Variants in ZNF490 observed in about 807,000 individuals in gnomAD.
ZNF490 encodes zinc finger protein 490.
In ZNF490, 11 loss-of-function variants were observed where a neutral mutation model predicts 17.7. The ratio of observed to expected loss-of-function variants is 0.62; its 90% CI spans 0.39 to 1.03. The LOEUF (loss-of-function observed/expected upper bound fraction) is 1.03. ZNF490 is among the 50% of genes least tolerant of loss of function. ZNF490 has a pLI of 0.00. For missense variants in ZNF490, 542 were observed against 643.4 expected (o/e 0.84, Z 1.71); for synonymous variants, 222 against 216.1 (o/e 1.03, Z -0.24).
At chr19:12,609,922 T>C (rs2023123863) in intron 1 of ZNF490, 1 of 455,438 alleles carries the variant, frequency 2.2e-6, no homozygotes, top group Admixed American at 2.4e-5. Context: ...AAAGCCAGAC[T>C]TCGCCACTAT....
At chr19:12,595,376 G>A (rs1258154538) in intron 2 of ZNF490, among the ~76,000 whole-genome samples, 2 of 152,076 alleles carry the variant, frequency 1.3e-5, no homozygotes, top group Non-Finnish European at 2.9e-5. Flanking sequence ...GCCTCCCAAA[G>A]TGTTTGGATA....
In ZNF490 at chr19:12,578,282, C is replaced by A. The variant is rs2022672717; in HGVS notation, c.*2203G>T. Reference sequence around the variant, plus strand: ...TAGGGGAGGTAAGAATTCTGAGTGTCCTACAGCTAAGACATGGCAGAGTGT... The same window carrying A: ...TAGGGGAGGTAAGAATTCTGAGTGTACTACAGCTAAGACATGGCAGAGTGT... On this transcript the variant is annotated 3_prime_UTR_variant, in exon 5 of 5. Coordinates refer to ENST00000311437, the MANE Select transcript of ZNF490 (RefSeq NM_020714.3). 2 of 985,516 alleles carry A rather than the reference C, an allele frequency of 2.0e-6. No homozygotes were observed. Among genetic ancestry groups the A allele is most frequent in the Non-Finnish European group, 2.4e-6 (2 of 830,132 alleles). 61.0% of individuals were successfully genotyped at this position (985,516 alleles called of 1,614,324 possible).
chr19:12,598,818 C>A (rs1355236156), intron 2 of ZNF490, among the ~76,000 whole-genome samples: 1 of 151,504 alleles, frequency 6.6e-6, no homozygotes, highest in African/African-American at 2.4e-5. Flanking sequence ...GAAACCCCAT[C>A]TCTACTAAAA....
chr19:12,576,822 A>C lies in ZNF490; in HGVS notation c.*3663T>G, dbSNP rs529994544. Among the ~76,000 whole-genome samples, 338 of 151,000 alleles carry C rather than the reference A, an allele frequency of 2.2e-3. 2 individuals carry two copies. The highest frequency in any genetic ancestry group is 7.8e-3 in the African/African-American group (320 of 41,134). On this transcript the variant is annotated 3_prime_UTR_variant, in exon 5 of 5. Coordinates refer to ENST00000311437, the MANE Select transcript of ZNF490 (RefSeq NM_020714.3). ...CAGTGAGAATCCATCTCAAAAAAAA[A>C]AAAAAAAAAAAAAACCTAAAAGCAT... is the stretch of plus-strand genomic sequence containing the variant.
intron 2 of ZNF490, among the ~76,000 whole-genome samples, chr19:12,583,811 A>ATATATAT (rs1290469134): frequency 5.1e-5 from 4 of 78,650 alleles, no homozygotes; most frequent in Non-Finnish European, 6.8e-5. Flanking sequence ...ATATATATAT[A>ATATATAT]TTTTTTTTTT....
intron 2 of ZNF490, among the ~76,000 whole-genome samples, chr19:12,595,604 A>G (rs1397982527): frequency 2.6e-5 from 4 of 151,828 alleles, no homozygotes; most frequent in Non-Finnish European, 5.9e-5. Context: ...TTTTTCCTCC[A>G]GAAAACCTCA....
chr19:12,588,413 C>G (rs571551295), intron 2 of ZNF490, among the ~76,000 whole-genome samples: 1 of 152,090 alleles, frequency 6.6e-6, no homozygotes, highest in Non-Finnish European at 1.5e-5. Context: ...GTTAATTCAC[C>G]AAGAAGACAA....
chr19:12,602,042 G>T (rs1046962603), intron 2 of ZNF490, among the ~76,000 whole-genome samples: 1 of 147,886 alleles, frequency 6.8e-6, no homozygotes. Flanking sequence ...ATTATTTCCC[G>T]ATTCCTGGCA....
rs2022680900 is a variant in ZNF490, at chr19:12,578,928, G to A, written c.*1557C>T. On this transcript the variant is annotated 3_prime_UTR_variant, in exon 5 of 5. Coordinates refer to ENST00000311437, the MANE Select transcript of ZNF490 (RefSeq NM_020714.3). ...CCATATTGCTTACATTTAAGAAGGT[G>A]GCTCTCCAGTGTGGGTGGTTTCATG... is the stretch of plus-strand genomic sequence containing the variant. 1 of 985,434 alleles carries A rather than the reference G, an allele frequency of 1.0e-6. No homozygotes were observed. Among genetic ancestry groups the A allele is most frequent in the Non-Finnish European group, 1.2e-6 (1 of 829,954 alleles). 61.0% of individuals were successfully genotyped at this position (985,434 alleles called of 1,614,324 possible).
chr19:12,590,064 G>C (rs999529015), intron 2 of ZNF490, among the ~76,000 whole-genome samples: 1 of 150,516 alleles, frequency 6.6e-6, no homozygotes, highest in Admixed American at 6.7e-5. Context: ...ACAGGCATGT[G>C]CCACCACGCC....
At position 12,585,227 on chromosome 19, in the gene ZNF490, A is replaced by AGGAAT. The variant is rs1230644356; in HGVS notation, c.163-1676_163-1672dup. Among the ~76,000 whole-genome samples, 8 of 93,934 alleles carry AGGAAT rather than the reference A, an allele frequency of 8.5e-5. 2 individuals are homozygous for AGGAAT. Among genetic ancestry groups the AGGAAT allele is most frequent in the African/African-American group, 2.5e-4 (8 of 31,380 alleles). 61.6% of individuals were successfully genotyped at this position (93,934 alleles called of 152,430 possible). A position where few individuals can be genotyped will look rare whatever the true frequency, so the allele number is the denominator to read the frequency against. On this transcript the variant is annotated intron_variant, in intron 2 of 4. Coordinates refer to ENST00000311437, the MANE Select transcript of ZNF490 (RefSeq NM_020714.3). ...TATGTGGGGTACACAGTGGAAACTG[A>AGGAAT]GGAATGAGGTTTTAAAGCTGTGAGC...
Position 12,577,365 on chromosome 19 carries a change from C to A in ZNF490, c.*3120G>T, listed in dbSNP as rs1341821210. ...CAAAAGATGGCTCCTTGAGCCCATT[C>A]TGACAGTGAAGGAATCTCGAACTTC... On this transcript the variant is annotated 3_prime_UTR_variant, in exon 5 of 5. Transcript: ENST00000311437. 2 of 913,202 alleles carry A rather than the reference C, an allele frequency of 2.2e-6. No homozygotes were observed. Among genetic ancestry groups the A allele is most frequent in the African/African-American group, 3.6e-5 (2 of 55,758 alleles). The allele number at this position is 913,202 out of a possible 1,614,324, so 56.6% of individuals were successfully genotyped here. A position where few individuals can be genotyped will look rare whatever the true frequency, so the allele number is the denominator to read the frequency against.
In ZNF490 at chr19:12,578,876, T is replaced by C; in HGVS notation, c.*1609A>G. On this transcript the variant is annotated 3_prime_UTR_variant, in exon 5 of 5. Coordinates refer to ENST00000311437, the MANE Select transcript of ZNF490 (RefSeq NM_020714.3). ...TTCTTCCTACGAAGAATCTCGACAA[T>C]GGTTGCAGATGTCATTGAAGATGTT... 1 of 985,372 alleles carries C rather than the reference T, an allele frequency of 1.0e-6. No individual in the cohort carries two copies. Among genetic ancestry groups the C allele is most frequent in the African/African-American group, 1.7e-5 (1 of 57,342 alleles). The allele number at this position is 985,372 out of a possible 1,614,324, so 61.0% of individuals were successfully genotyped here.
At position 12,581,148 on chromosome 19, in the gene ZNF490, C is replaced by T. The variant is rs1236057547; in HGVS notation, c.927G>A (p.Lys309=). 2.5e-6 allele frequency: 4 copies of T among 1,614,110 alleles called. No individual in the cohort carries two copies. Among genetic ancestry groups the T allele is most frequent in the Non-Finnish European group, 3.4e-6 (4 of 1,180,016 alleles). The change falls in exon 5 of 5, where the codon AAG becomes AAA. Residue 309 remains lysine, a synonymous_variant. Coordinates refer to ENST00000311437, the MANE Select transcript of ZNF490 (RefSeq NM_020714.3). ...GACAACTGAAGGCTTTCCCACATTG[C>T]TTACATTCATAAGGTTTCTCTCCAG... ...THTGEKPYEC[K]QCGKAFSCPT...
chr19:12,587,377 T>C (rs551203423), intron 2 of ZNF490, among the ~76,000 whole-genome samples: 1 of 80,656 alleles, frequency 1.2e-5, no homozygotes, highest in East Asian at 2.2e-4. Flanking sequence ...CAAGCAATCA[T>C]CCTGCCTCAG....
rs1005076796 is a variant in ZNF490, at chr19:12,576,659, CAA to C, written c.*3824_*3825del. Among the ~76,000 whole-genome samples, 3 of 142,938 alleles carry C rather than the reference CAA, an allele frequency of 2.1e-5. No homozygotes were observed. The highest frequency in any genetic ancestry group is 7.8e-5 in the African/African-American group (3 of 38,358). The allele number at this position is 142,938 out of a possible 152,430, so 93.8% of individuals were successfully genotyped here. A position where few individuals can be genotyped will look rare whatever the true frequency, so the allele number is the denominator to read the frequency against. On this transcript the variant is annotated 3_prime_UTR_variant, in exon 5 of 5. Coordinates refer to ENST00000311437, the MANE Select transcript of ZNF490 (RefSeq NM_020714.3). ...TGAAACCCCATCTCTACTAAAAATA[CAA>C]AAAAATTTAGCTGGTTGTGGTGGCA...
chr19:12,594,361 G>C (rs770874696), intron 2 of ZNF490, among the ~76,000 whole-genome samples: 10 of 151,966 alleles, frequency 6.6e-5, no homozygotes, highest in South Asian at 2.1e-4. Flanking sequence ...AGCTACTCTG[G>C]AGGCTGAGGT....
chr19:12,608,377 GC>G (rs1243705522), intron 2 of ZNF490, among the ~76,000 whole-genome samples: 11 of 152,080 alleles, frequency 7.2e-5, no homozygotes, highest in African/African-American at 2.7e-4. Context: ...TCAGGTTGAA[GC>G]CATCCTCCCG....
intron 2 of ZNF490, among the ~76,000 whole-genome samples, chr19:12,601,555 A>T (rs1309139132): frequency 6.6e-6 from 1 of 151,372 alleles, no homozygotes; most frequent in Non-Finnish European, 1.5e-5. Context: ...AACCTGGCTA[A>T]TTTTTTTTTA....
Sources: allele counts gnomAD v4.1 joint callset (sites outside exome capture counted in the v4.1 genomes callset), GRCh38; gene constraint gnomAD v4.1.1; transcripts MANE v1.5; gene names NCBI Gene and HGNC (gene_info 2026-07-23, HGNC 2026-07-21).